Variants in RASA1 observed in about 807,000 individuals in gnomAD.
RASA1 encodes the protein RAS p21 protein activator 1.
A neutral mutation model predicts 132.2 loss-of-function variants in RASA1; 25 were observed. That is an observed-to-expected ratio of 0.19 (90% CI 0.14 to 0.26). The LOEUF (loss-of-function observed/expected upper bound fraction) is 0.26. Among genes scored for constraint, RASA1 ranks in the 10% least tolerant of loss-of-function variants. RASA1 has a pLI of 1.00. For missense variants in RASA1, 964 were observed against 1,299.2 expected (o/e 0.74, Z 3.97); for synonymous variants, 477 against 449.9 (o/e 1.06, Z -0.76).
intron 1 of RASA1, among the ~76,000 whole-genome samples, chr5:87,328,887 A>G (rs1484254231): frequency 6.6e-6 from 1 of 152,176 alleles, no homozygotes; most frequent in African/African-American, 2.4e-5. Flanking sequence ...ATCTTGTAAC[A>G]TTGGATTTAT....
At chr5:87,359,616 A>T (rs896244243) in intron 9 of RASA1, among the ~76,000 whole-genome samples, 1 of 152,220 alleles carries the variant, frequency 6.6e-6, no homozygotes, top group Non-Finnish European at 1.5e-5. Context: ...TTCTGCAGCT[A>T]ATACTAAGTG....
chr5:87,318,664 C>T (rs1041886589), intron 1 of RASA1: 1 of 152,232 alleles, frequency 6.6e-6, no homozygotes, highest in African/African-American at 2.4e-5. Flanking sequence ...CCAATCACCT[C>T]CTACCAGGTC....
chr5:87,380,450 C>CT, intron 19 of RASA1, 59 bp from the exon 20 acceptor site: 3 of 1,431,920 alleles, frequency 2.1e-6, no homozygotes, highest in Non-Finnish European at 2.0e-6. Flanking sequence ...CTTTTGGCTG[C>CT]TAGGAGATCA....
intron 4 of RASA1, among the ~76,000 whole-genome samples, chr5:87,335,419 G>GTTTTTT (rs34986349): frequency 1.7e-3 from 121 of 72,928 alleles, no homozygotes; most frequent in Non-Finnish European, 2.1e-3. Flanking sequence ...AAAGAATGAG[G>GTTTTTT]TTTTTTTTTT....
intron 1 of RASA1, among the ~76,000 whole-genome samples, chr5:87,322,714 C>T (rs1361965539): frequency 2.0e-5 from 3 of 152,332 alleles, no homozygotes; most frequent in African/African-American, 7.2e-5. Context: ...ATTACCCAGT[C>T]TCAAGACAGA....
In RASA1 at chr5:87,379,775, C is replaced by A. The variant is rs184201084; in HGVS notation, c.2528C>A (p.Thr843Asn). ...TTAGAAAAAAATGAAGATGTGAACACTAATTTAACACACCTATTGAACATA... is the reference window on the plus strand; with the variant it reads ...TTAGAAAAAAATGAAGATGTGAACAATAATTTAACACACCTATTGAACATA... The part of the protein sequence containing the change: ...SKLEKNEDVN[T>N]NLTHLLNILS... Residue 843 changes from threonine to asparagine, a missense_variant, in exon 19 of 25, where the codon ACT becomes AAT. Transcript: ENST00000274376. The A allele has an allele frequency of 4.6e-4, 736 of 1,612,684 alleles. 9 individuals are homozygous for A. In the East Asian group the frequency reaches 0.011, roughly 25 times the overall value.
chr5:87,305,616 A>G (rs962240704), intron 1 of RASA1, among the ~76,000 whole-genome samples: 5 of 152,248 alleles, frequency 3.3e-5, no homozygotes, highest in African/African-American at 9.6e-5. Flanking sequence ...AATTGCAACA[A>G]AAGCAAAAAT....
At chr5:87,288,558 C>T (rs1309908760) in intron 1 of RASA1, among the ~76,000 whole-genome samples, 1 of 152,074 alleles carries the variant, frequency 6.6e-6, no homozygotes, top group African/African-American at 2.4e-5. Context: ...TCATAATGGA[C>T]TCATGTAAAA....
Position 87,346,786 on chromosome 5 carries a change from C to T in RASA1, c.1102+62C>T. The T allele has an allele frequency of 7.8e-6, 10 of 1,286,976 alleles. No homozygotes were observed. The South Asian group carries it at 1.2e-4, about 16-fold the overall frequency. 79.7% of individuals were successfully genotyped at this position (1,286,976 alleles called of 1,614,324 possible). A position where few individuals can be genotyped will look rare whatever the true frequency, so the allele number is the denominator to read the frequency against. On this transcript the variant is annotated intron_variant, in intron 7 of 24. Coordinates refer to ENST00000274376, the MANE Select transcript of RASA1 (RefSeq NM_002890.3). ...TAAAGAGAATAAAAAAGTGAACAAA[C>T]CATTTATCATGTGTTTTGCCTTTAG...
intron 8 of RASA1, among the ~76,000 whole-genome samples, chr5:87,351,678 C>T (rs1759289484): frequency 6.6e-6 from 1 of 151,622 alleles, no homozygotes; most frequent in Non-Finnish European, 1.5e-5. Context: ...TCTGGTTTAT[C>T]TCCCCTGACT....
intron 1 of RASA1, among the ~76,000 whole-genome samples, chr5:87,287,637 A>G (rs1419166321): frequency 6.7e-6 from 1 of 148,878 alleles, no homozygotes; most frequent in East Asian, 1.9e-4. Flanking sequence ...CACGCCATAG[A>G]TATACCATAT....
chr5:87,374,142 TA>T lies in RASA1; in HGVS notation c.1777-20del. 1 of 1,395,152 alleles carries T rather than the reference TA, an allele frequency of 7.2e-7. No individual in the cohort carries two copies. Among genetic ancestry groups the T allele is most frequent in the Non-Finnish European group, 9.4e-7 (1 of 1,062,760 alleles). The allele number at this position is 1,395,152 out of a possible 1,614,324, so 86.4% of individuals were successfully genotyped here. A position where few individuals can be genotyped will look rare whatever the true frequency, so the allele number is the denominator to read the frequency against. ...CTAGAAATCTGGGGTAATATATATA[TA>T]TATATTTTTTTTTTTTTAGGTCAGC... On this transcript the variant is annotated intron_variant, in intron 13 of 24. Coordinates refer to ENST00000274376, the MANE Select transcript of RASA1 (RefSeq NM_002890.3).
In RASA1 at chr5:87,338,109, C is replaced by A. The variant is rs771474315; in HGVS notation, c.1017+18C>A. The A allele has an allele frequency of 8.1e-6, 13 of 1,611,222 alleles. No individual in the cohort carries two copies. Among genetic ancestry groups the A allele is most frequent in the Non-Finnish European group, 1.1e-5 (13 of 1,178,508 alleles). ...AAGAGGTGGTAAGTTTTGTTCTTTT[C>A]TTCTCAATTCTAGATTCTAAATATT... is the stretch of plus-strand genomic sequence containing the variant. On this transcript the variant is annotated intron_variant, in intron 5 of 24. Transcript: ENST00000274376.
Position 87,274,526 on chromosome 5 carries a change from A to T in RASA1, c.539+5536A>T, listed in dbSNP as rs576166866. ...AACTCATATTTTTTACTGTATTTGT[A>T]TAAGTAGCAGAGAAATATAGTAGGT... On this transcript the variant is annotated intron_variant, in intron 1 of 24. Transcript: ENST00000274376. Among the ~76,000 whole-genome samples the T allele has an allele frequency of 2.0e-5, 3 of 152,156 alleles. No homozygotes were observed. The South Asian group carries it at 6.2e-4, about 31-fold the overall frequency.
chr5:87,330,934 A>G, intron 1 of RASA1: 1 of 1,413,700 alleles, frequency 7.1e-7, no homozygotes, highest in East Asian at 2.6e-5. Flanking sequence ...TTATATTCTC[A>G]TAGGTTCCAT....
intron 11 of RASA1, among the ~76,000 whole-genome samples, chr5:87,364,499 G>C (rs1228596369): frequency 1.3e-5 from 2 of 152,044 alleles, no homozygotes; most frequent in African/African-American, 4.8e-5. Flanking sequence ...TTCATTTTAC[G>C]AAGATACCCT....
chr5:87,379,044 T>C (rs1170529727), intron 18 of RASA1, among the ~76,000 whole-genome samples: 2 of 152,180 alleles, frequency 1.3e-5, no homozygotes, highest in East Asian at 1.9e-4. Flanking sequence ...ACACATATTC[T>C]CTCATTTTAA....
intron 1 of RASA1, among the ~76,000 whole-genome samples, chr5:87,283,146 G>GTTTTTTTTTT (rs1235994274): frequency 1.0e-5 from 1 of 95,260 alleles, no homozygotes. Context: ...TTTTTTTTTT[G>GTTTTTTTTTT]TGTTTTTTTT....
chr5:87,385,730 A>G (rs1360861991), intron 22 of RASA1, among the ~76,000 whole-genome samples: 3 of 152,020 alleles, frequency 2.0e-5, no homozygotes, highest in Admixed American at 1.3e-4. Flanking sequence ...AAAACTCAAG[A>G]TTTTATTTTT....
Sources: gnomAD v4.1 joint callset for allele counts (sites outside exome capture counted in the v4.1 genomes callset) on GRCh38, gnomAD v4.1.1 for gene constraint, MANE v1.5 for transcripts, NCBI Gene and HGNC (gene_info 2026-07-23, HGNC 2026-07-21) for gene names.